Variants in ZNF587 observed in about 807,000 individuals in gnomAD.
ZNF587 encodes the protein zinc finger protein 587.
ZNF587 carries 8 observed loss-of-function variants against 7.5 expected under a neutral mutation model. The ratio of observed to expected loss-of-function variants is 1.06; its 90% CI spans 0.62 to 1.92. The LOEUF (loss-of-function observed/expected upper bound fraction) is 1.92. Ranked by LOEUF, ZNF587 falls within the 40% of genes most tolerant of loss-of-function variation. The pLI is 0.00. For missense variants in ZNF587, 468 were observed against 692.8 expected (o/e 0.68, Z 3.64); for synonymous variants, 145 against 237.8 (o/e 0.61, Z 3.59).
intron 1 of ZNF587, among the ~76,000 whole-genome samples, chr19:57,852,715 A>G (rs2071295881): frequency 6.6e-6 from 1 of 151,422 alleles, no homozygotes; most frequent in African/African-American, 2.4e-5. Context: ...TTTAGTAGAG[A>G]CGAGGTTTTA....
intron 2 of ZNF587, among the ~76,000 whole-genome samples, chr19:57,857,614 GTA>G (rs148150934): frequency 4.0e-5 from 6 of 150,730 alleles, no homozygotes; most frequent in Admixed American, 6.6e-5. Flanking sequence ...GTGTGTATGT[GTA>G]TATATATATA....
intron 2 of ZNF587, 120 bp downstream of exon 2, chr19:57,856,353 T>C: frequency 2.7e-6 from 4 of 1,466,390 alleles, no homozygotes; most frequent in Non-Finnish European, 3.6e-6. Flanking sequence ...TGCACTTCTC[T>C]GTGTAAGTTG....
chr19:57,859,387 G>C lies in ZNF587; in HGVS notation c.975G>C (p.Glu325Asp). 3.7e-6 allele frequency: 6 copies of C among 1,608,592 alleles called. No homozygotes were observed. Among genetic ancestry groups the C allele is most frequent in the Non-Finnish European group, 5.1e-6 (6 of 1,179,716 alleles). The change falls in exon 3 of 3, where the codon GAG (glutamate) becomes GAC (aspartate). Residue 325 changes from glutamate (E) to aspartate (D), a missense_variant. Glu to Asp is a conservative substitution (Grantham distance 45). Coordinates refer to ENST00000339656, the MANE Select transcript of ZNF587 (RefSeq NM_032828.4). ...TTCACACTGGAGAAGGGCCTTATGA[G>C]TGTAGAGAATGTGGGAAATCTTTTG... ...QLVHTGEGPY[E>D]CRECGKSFGQ...
Position 57,860,178 on chromosome 19 carries a change from C to A in ZNF587, c.*38C>A. 6.2e-7 allele frequency: 1 copy of A among 1,613,776 alleles called. No homozygotes were observed. The highest frequency in any genetic ancestry group is 8.5e-7 in the Non-Finnish European group (1 of 1,179,852). Reference sequence around the variant, plus strand: ...TGGGAAATCGTTTGCTGAAGCATCCCGTCTCGTTAAACACAGGAGAGTTCA... The same window carrying A: ...TGGGAAATCGTTTGCTGAAGCATCCAGTCTCGTTAAACACAGGAGAGTTCA... On this transcript the variant is annotated 3_prime_UTR_variant, in exon 3 of 3. Coordinates refer to ENST00000339656, the MANE Select transcript of ZNF587 (RefSeq NM_032828.4).
rs915037490 is a variant in ZNF587 at position 57,857,626 on chromosome 19, A to ATG, written c.164-940_164-939dup. On this transcript the variant is annotated intron_variant, in intron 2 of 2. Transcript: ENST00000339656. ...TATGTGTGTATGTGTATATATATATATGTGTGTGTGTATATGTATATTTTT... is the reference window on the plus strand; with the variant it reads ...TATGTGTGTATGTGTATATATATATATGTGTGTGTGTGTATATGTATATTTTT... 2.0e-4 allele frequency among the ~76,000 whole-genome samples: 30 copies of ATG among 151,508 alleles called. No individual in the cohort carries two copies. In the South Asian group the frequency reaches 2.1e-3, roughly 10 times the overall value.
rs181582081 is a variant in ZNF587, at chr19:57,861,211, T to C, written c.*1071T>C. ...TGAAATTATTGCTCATTTGTATATC[T>C]ATCTACCATCAGTGTCCAAGAATTT... On this transcript the variant is annotated 3_prime_UTR_variant, in exon 3 of 3. Coordinates refer to ENST00000339656, the MANE Select transcript of ZNF587 (RefSeq NM_032828.4). 3.3e-5 allele frequency: 5 copies of C among 152,320 alleles called. No homozygotes were observed. The highest frequency in any genetic ancestry group is 6.5e-5 in the Admixed American group (1 of 15,298). 9.4% of individuals were successfully genotyped at this position (152,320 alleles called of 1,614,324 possible).
rs2071486611 is a variant in ZNF587 at position 57,864,799 on chromosome 19, A to C, written c.*4659A>C. 6.6e-6 allele frequency: 1 copy of C among 152,082 alleles called. No homozygotes were observed. The highest frequency in any genetic ancestry group is 1.5e-5 in the Non-Finnish European group (1 of 68,030). The allele number at this position is 152,082 out of a possible 1,614,324, so 9.4% of individuals were successfully genotyped here. On this transcript the variant is annotated 3_prime_UTR_variant, in exon 3 of 3. Coordinates refer to ENST00000339656, the MANE Select transcript of ZNF587 (RefSeq NM_032828.4). ...GGTGTAAATTTTTTTTTATTACACC[A>C]AATTATGTTCACACAAAACCTTTGT...
In ZNF587 at chr19:57,861,372, C is replaced by T. The variant is rs1211266710; in HGVS notation, c.*1232C>T. ...TTGAGACAAAGTCTCGCTCTGTCTC[C>T]CAGGCTAGAGTACCGTGGCACAATC... On this transcript the variant is annotated 3_prime_UTR_variant, in exon 3 of 3. Coordinates refer to ENST00000339656, the MANE Select transcript of ZNF587 (RefSeq NM_032828.4). 1 of 152,080 alleles carries T rather than the reference C, an allele frequency of 6.6e-6. No individual in the cohort carries two copies. The highest frequency in any genetic ancestry group is 1.9e-4 in the East Asian group (1 of 5,194). 9.4% of individuals were successfully genotyped at this position (152,080 alleles called of 1,614,324 possible).
chr19:57,861,789 T>TC lies in ZNF587; in HGVS notation c.*1651dup, dbSNP rs1555775629. ...TTTGGTTTTCTTTTTTTTTTTTTTT[T>TC]CCAGATGGAGTCTAGCTCTGTCTCC... is the stretch of plus-strand genomic sequence containing the variant. On this transcript the variant is annotated 3_prime_UTR_variant, in exon 3 of 3. Transcript: ENST00000339656. 6.1e-5 allele frequency: 9 copies of TC among 147,982 alleles called. No individual in the cohort carries two copies. Among genetic ancestry groups the TC allele is most frequent in the African/African-American group, 7.8e-5 (3 of 38,258 alleles). 9.2% of individuals were successfully genotyped at this position (147,982 alleles called of 1,614,324 possible). A position where few individuals can be genotyped will look rare whatever the true frequency, so the allele number is the denominator to read the frequency against.
intron 1 of ZNF587, chr19:57,852,128 G>A (rs2071288636): frequency 2.7e-6 from 1 of 365,266 alleles, no homozygotes; most frequent in Admixed American, 5.0e-5. Flanking sequence ...TGGTGTCCTG[G>A]GACTCTTAAG....
intron 1 of ZNF587, among the ~76,000 whole-genome samples, chr19:57,855,390 G>A (rs2071339077): frequency 6.6e-6 from 1 of 152,076 alleles, no homozygotes; most frequent in Non-Finnish European, 1.5e-5. Flanking sequence ...GGATGCCAGA[G>A]AGGGGCTGAA....
chr19:57,850,846 T>G (rs1206600123), intron 1 of ZNF587: 2 of 321,018 alleles, frequency 6.2e-6, no homozygotes, highest in African/African-American at 2.1e-5. Flanking sequence ...CGTGAGTCAT[T>G]CCATAAGATG....
At chr19:57,856,282 C>T (rs1425948602) in intron 2 of ZNF587, 49 bp downstream of exon 2, 2 of 1,530,994 alleles carry the variant, frequency 1.3e-6, no homozygotes, top group Non-Finnish European at 8.8e-7. Context: ...GTTACTGTTC[C>T]CCTGTTTTTC....
chr19:57,859,809 G>C lies in ZNF587; in HGVS notation c.1397G>C (p.Cys466Ser). 1 of 1,614,194 alleles carries C rather than the reference G, an allele frequency of 6.2e-7. No individual in the cohort carries two copies. Among genetic ancestry groups the C allele is most frequent in the Non-Finnish European group, 8.5e-7 (1 of 1,180,024 alleles). ...RVHTGERPYA[C>S]EVCGKLFGNK... The stretch of plus-strand genomic sequence containing the variant: ...CACACTGGAGAAAGGCCATATGCGT[G>C]TGAGGTATGTGGGAAATTATTTGGC... The change falls in exon 3 of 3, where the codon TGT (cysteine) becomes TCT (serine). Residue 466 changes from cysteine to serine, a missense_variant. By Grantham distance (112) the Cys-to-Ser change is moderately radical. Coordinates refer to ENST00000339656, the MANE Select transcript of ZNF587 (RefSeq NM_032828.4).
intron 1 of ZNF587, among the ~76,000 whole-genome samples, chr19:57,855,614 T>G (rs2071344411): frequency 1.4e-5 from 2 of 145,342 alleles, no homozygotes; most frequent in Admixed American, 1.4e-4. Flanking sequence ...CAGGGTGGAG[T>G]GCAGTGGTGT....
chr19:57,853,757 G>GT (rs890554047), intron 1 of ZNF587: 1,698 of 106,378 alleles, frequency 0.016, 20 homozygotes, highest in African/African-American at 0.049. Context: ...TAACTTTTTT[G>GT]TTTTTTTTTT....
chr19:57,860,335 C>G lies in ZNF587; in HGVS notation c.*195C>G. ...CCAGGCTGGAGTGCAGTGGTGCAGTCTTGGCTCGCTGCAACTTGGGCCTCC... is the reference window on the plus strand; with the variant it reads ...CCAGGCTGGAGTGCAGTGGTGCAGTGTTGGCTCGCTGCAACTTGGGCCTCC... On this transcript the variant is annotated 3_prime_UTR_variant, in exon 3 of 3. Coordinates refer to ENST00000339656, the MANE Select transcript of ZNF587 (RefSeq NM_032828.4). The G allele has an allele frequency of 9.4e-7, 1 of 1,061,042 alleles. No homozygotes were observed. The highest frequency in any genetic ancestry group is 1.3e-6 in the Non-Finnish European group (1 of 742,492). The allele number at this position is 1,061,042 out of a possible 1,614,324, so 65.7% of individuals were successfully genotyped here. A position where few individuals can be genotyped will look rare whatever the true frequency, so the allele number is the denominator to read the frequency against.
chr19:57,864,214 A>G lies in ZNF587; in HGVS notation c.*4074A>G, dbSNP rs1303478755. The stretch of plus-strand genomic sequence containing the variant: ...AATGGCATGGTCTCGGCTCACTGCA[A>G]CCTCCGCCTCCCAGGTTCAAGTGAT... On this transcript the variant is annotated 3_prime_UTR_variant, in exon 3 of 3. Coordinates refer to ENST00000339656, the MANE Select transcript of ZNF587 (RefSeq NM_032828.4). 1 of 142,706 alleles carries G rather than the reference A, an allele frequency of 7.0e-6. No homozygotes were observed. The highest frequency in any genetic ancestry group is 1.5e-5 in the Non-Finnish European group (1 of 66,556). The allele number at this position is 142,706 out of a possible 1,614,324, so 8.8% of individuals were successfully genotyped here. A position where few individuals can be genotyped will look rare whatever the true frequency, so the allele number is the denominator to read the frequency against.
chr19:57,860,113 G>C lies in ZNF587; in HGVS notation c.1701G>C (p.Gln567His). 1 of 1,613,432 alleles carries C rather than the reference G, an allele frequency of 6.2e-7. No individual in the cohort carries two copies. The highest frequency in any genetic ancestry group is 8.5e-7 in the Non-Finnish European group (1 of 1,179,418). Residue 567 changes from glutamine to histidine, a missense_variant, in exon 3 of 3, where the codon CAG becomes CAC. By Grantham distance (24) the Gln-to-His change is conservative. Coordinates refer to ENST00000339656, the MANE Select transcript of ZNF587 (RefSeq NM_032828.4). ...GAAGCTCTACCCTCCTTCATCATCAGAGTTCACACAGGAGAAAGGCCTTAT... is the reference window on the plus strand; with the variant it reads ...GAAGCTCTACCCTCCTTCATCATCACAGTTCACACAGGAGAAAGGCCTTAT... ...FQRSSTLLHH[Q>H]SSHRRKAL is the part of the protein sequence containing the mutation.
Sources: allele counts gnomAD v4.1 joint callset (sites outside exome capture counted in the v4.1 genomes callset), GRCh38; gene constraint gnomAD v4.1.1; transcripts MANE v1.5; gene names NCBI Gene and HGNC (gene_info 2026-07-23, HGNC 2026-07-21).